Variants in SLC8A1 observed in about 807,000 individuals in gnomAD.
SLC8A1 encodes solute carrier family 8 member A1, also known as sodium/calcium exchanger 1.
Under a neutral mutation model 68.3 loss-of-function variants are expected in SLC8A1, and 18 were observed. The ratio of observed to expected loss-of-function variants is 0.26; its 90% CI spans 0.18 to 0.39. The LOEUF (loss-of-function observed/expected upper bound fraction) is 0.39, where lower values mean the gene tolerates loss of function less well. Among genes scored for constraint, SLC8A1 ranks in the 10% least tolerant of loss-of-function variants. The pLI is 1.00. For missense variants in SLC8A1, 985 were observed against 1,156.7 expected (o/e 0.85, Z 2.15); for synonymous variants, 475 against 415.5 (o/e 1.14, Z -1.74).
chr2:40,195,733 T>C (rs551118029), intron 2 of SLC8A1: 21 of 152,172 alleles, frequency 1.4e-4, no homozygotes, highest in Non-Finnish European at 2.9e-4. Flanking sequence ...ATAGAATGTA[T>C]ATTAACAGCG....
At chr2:40,172,255 A>G (rs1038976584) in intron 4 of SLC8A1, among the ~76,000 whole-genome samples, 1 of 152,194 alleles carries the variant, frequency 6.6e-6, no homozygotes, top group Non-Finnish European at 1.5e-5. Context: ...ATTTAGGAAA[A>G]GAAGGGTCAT....
At chr2:40,458,887 T>C (rs2149891243) in intron 1 of SLC8A1, among the ~76,000 whole-genome samples, 1 of 152,326 alleles carries the variant, frequency 6.6e-6, no homozygotes, top group Non-Finnish European at 1.5e-5. Context: ...TCAAGGAATA[T>C]GTAAGTTTCC....
chr2:40,110,115 A>G (rs56161961), exon 8 of SLC8A1: 12,696 of 152,240 alleles, frequency 0.083, 571 homozygotes, highest in African/African-American at 0.12. Context: ...AAAGTGAAAT[A>G]CGTACCATTT....
intron 1 of SLC8A1, among the ~76,000 whole-genome samples, chr2:40,450,260 A>G (rs1388566631): frequency 6.6e-6 from 1 of 152,116 alleles, no homozygotes; most frequent in East Asian, 1.9e-4. Flanking sequence ...TTGTCTTCTT[A>G]TTTGAAATGA....
chr2:40,509,853 C>T (rs1330534796), intron 1 of SLC8A1, among the ~76,000 whole-genome samples: 1 of 151,978 alleles, frequency 6.6e-6, no homozygotes, highest in Non-Finnish European at 1.5e-5. Flanking sequence ...CTCTGTCGTC[C>T]AGGCTGGAGT....
rs972860792 is a variant in SLC8A1 at position 40,177,704 on chromosome 2, A to G, written c.1912+48T>C. ...AGTGTGAGAGTAGGGAGACACGGAG[A>G]GAGAAGAGTACAATTTCTCGCTGGT... is the stretch of plus-strand genomic sequence containing the variant. On this transcript the variant is annotated intron_variant, in intron 3 of 7. Transcript: ENST00000406785. 3.5e-6 allele frequency: 4 copies of G among 1,131,872 alleles called. No individual in the cohort carries two copies. The Admixed American group carries it at 7.9e-5, about 22-fold the overall frequency. The allele number at this position is 1,131,872 out of a possible 1,614,324, so 70.1% of individuals were successfully genotyped here. A position where few individuals can be genotyped will look rare whatever the true frequency, so the allele number is the denominator to read the frequency against.
chr2:40,243,869 T>C (rs1287518387), intron 2 of SLC8A1, among the ~76,000 whole-genome samples: 1 of 152,174 alleles, frequency 6.6e-6, no homozygotes, highest in Non-Finnish European at 1.5e-5. Flanking sequence ...CTGATGAGTC[T>C]AAGTGCTAGA....
chr2:40,277,324 G>T (rs1176913048), intron 2 of SLC8A1, among the ~76,000 whole-genome samples: 1 of 151,940 alleles, frequency 6.6e-6, no homozygotes, highest in East Asian at 1.9e-4. Context: ...GCGATCACTT[G>T]AGGCCAGGAG....
At chr2:40,274,764 G>C (rs907946257) in intron 2 of SLC8A1, among the ~76,000 whole-genome samples, 1 of 152,210 alleles carries the variant, frequency 6.6e-6, no homozygotes, top group Non-Finnish European at 1.5e-5. Flanking sequence ...AGAAAGAACA[G>C]TAAACATTTC....
At chr2:40,455,453 C>T (rs888502524), upstream of SLC8A1, among the ~76,000 whole-genome samples, 2 of 152,152 alleles carry the variant, frequency 1.3e-5, no homozygotes, top group African/African-American at 4.8e-5. Flanking sequence ...CAGTCTTAGT[C>T]GTCCCTCACC....
intron 1 of SLC8A1, among the ~76,000 whole-genome samples, chr2:40,436,342 G>A (rs963032594): frequency 6.6e-6 from 1 of 152,162 alleles, no homozygotes; most frequent in Non-Finnish European, 1.5e-5. Flanking sequence ...AGCATTTGCA[G>A]TTAAAAAATG....
At chr2:40,184,184 C>T (rs1369394056) in intron 2 of SLC8A1, among the ~76,000 whole-genome samples, 1 of 152,032 alleles carries the variant, frequency 6.6e-6, no homozygotes, top group Non-Finnish European at 1.5e-5. Flanking sequence ...CTCAATCAAT[C>T]AATCAACCAA....
At chr2:40,456,527 G>A (rs895866527), upstream of SLC8A1, among the ~76,000 whole-genome samples, 1 of 152,152 alleles carries the variant, frequency 6.6e-6, no homozygotes, top group Middle Eastern at 3.2e-3. Flanking sequence ...AGGCTTTAGA[G>A]TCAGAATATC....
chr2:40,446,150 TAGAGG>T (rs1225697455), intron 1 of SLC8A1, among the ~76,000 whole-genome samples: 4 of 152,144 alleles, frequency 2.6e-5, no homozygotes, highest in African/African-American at 9.7e-5. Context: ...CCTACCCTAG[TAGAGG>T]AAACAGAATC....
intron 4 of SLC8A1, among the ~76,000 whole-genome samples, chr2:40,168,295 CTT>C (rs2046888419): frequency 6.6e-6 from 1 of 152,010 alleles, no homozygotes; most frequent in African/African-American, 2.4e-5. Context: ...TGAAGTTGGC[CTT>C]GAAGCACATA....
chr2:40,377,100 C>T (rs1264047383), intron 2 of SLC8A1, among the ~76,000 whole-genome samples: 2 of 151,678 alleles, frequency 1.3e-5, no homozygotes, highest in African/African-American at 2.4e-5. Flanking sequence ...TAATTAAGGT[C>T]CTTAATTATT....
chr2:40,143,386 C>T (rs1270762115), intron 6 of SLC8A1, among the ~76,000 whole-genome samples: 2 of 152,126 alleles, frequency 1.3e-5, no homozygotes, highest in African/African-American at 4.8e-5. Context: ...TCTGTATGTT[C>T]ACCAGCCTAG....
At chr2:40,426,244 GAAGTA>G (rs1478613964) in intron 2 of SLC8A1, among the ~76,000 whole-genome samples, 1 of 151,934 alleles carries the variant, frequency 6.6e-6, no homozygotes, top group East Asian at 1.9e-4. Context: ...TTAAGCAAAT[GAAGTA>G]TAGTAACAAT....
At chr2:40,262,459 G>A (rs1388391630) in intron 2 of SLC8A1, among the ~76,000 whole-genome samples, 1 of 152,128 alleles carries the variant, frequency 6.6e-6, no homozygotes, top group East Asian at 1.9e-4. Context: ...TATAGTCTTT[G>A]ATCCACTGGA....
Sources: gnomAD v4.1 joint callset for allele counts (sites outside exome capture counted in the v4.1 genomes callset) on GRCh38, gnomAD v4.1.1 for gene constraint, MANE v1.5 for transcripts, NCBI Gene and HGNC (gene_info 2026-07-23, HGNC 2026-07-21) for gene names.